BRI3BP: variants seen among roughly 807,000 people sequenced by gnomAD.
BRI3BP encodes BRI3 binding protein, also known as BRI3-binding protein.
A neutral mutation model predicts 15.8 loss-of-function variants in BRI3BP; 7 were observed. That is an observed-to-expected ratio of 0.44 (90% confidence interval 0.25 to 0.83). BRI3BP has a LOEUF of 0.83. BRI3BP is among the 40% of genes least tolerant of loss of function. BRI3BP has a pLI of 0.20. For missense variants in BRI3BP, 320 were observed against 339.3 expected, an observed-to-expected ratio of 0.94 and a Z score of 0.45; for synonymous variants, 192 against 163.5, an observed-to-expected ratio of 1.17 and a Z score of -1.33.
intron 1 of BRI3BP, among the ~76,000 whole-genome samples, chr12:124,994,827 C>T (rs1955027440): frequency 6.6e-6 from 1 of 152,182 alleles, no homozygotes; most frequent in South Asian, 2.1e-4. Flanking sequence ...CTCTTGCTTG[C>T]CGCCAGCCTT....
At chr12:125,022,734 C>G (rs1299824230) in intron 2 of BRI3BP, among the ~76,000 whole-genome samples, 3 of 151,976 alleles carry the variant, frequency 2.0e-5, no homozygotes, top group Non-Finnish European at 4.4e-5. Context: ...ACCATGTTGG[C>G]CAGGCTGGTC....
chr12:125,046,335 C>T, the BRI3BP span, among the ~76,000 whole-genome samples: 1 of 152,190 alleles, frequency 6.6e-6, no homozygotes, highest in Non-Finnish European at 1.5e-5. Flanking sequence ...GGGTGGATCA[C>T]TTGAGGTCAG....
Position 125,025,168 on chromosome 12 carries a change from T to C in BRI3BP, c.494T>C (p.Leu165Pro). The C allele has an allele frequency of 1.9e-6, 3 of 1,614,198 alleles. No individual in the cohort carries two copies. The highest frequency in any genetic ancestry group is 1.3e-5 in the African/African-American group (1 of 75,070). The change falls in exon 3 of 3, where the codon CTG (leucine) becomes CCG (proline). Residue 165 changes from leucine (L) to proline (P), a missense_variant. Transcript: ENST00000341446. ...GRFFWIVRVV[L>P]FSMSCVYILH... ...TTCTTCTGGATCGTGCGGGTCGTCC[T>C]GTTTTCCATGTCCTGCGTGTACATC... is the stretch of plus-strand genomic sequence containing the variant.
At chr12:125,038,255 C>CAAAAAAAAAAA in the BRI3BP span, among the ~76,000 whole-genome samples, 1 of 116,612 alleles carries the variant, frequency 8.6e-6, no homozygotes. Context: ...CCAGCCATCT[C>CAAAAAAAAAAA]AAAAAAAAAA....
intron 2 of BRI3BP, among the ~76,000 whole-genome samples, chr12:125,019,545 A>G (rs1594536271): frequency 6.6e-6 from 1 of 151,814 alleles, no homozygotes; most frequent in Non-Finnish European, 1.5e-5. Flanking sequence ...ACGTACTTTA[A>G]TACTTCCATA....
At chr12:125,036,322 CA>C in the BRI3BP span, among the ~76,000 whole-genome samples, 35 of 151,588 alleles carry the variant, frequency 2.3e-4, no homozygotes, top group Middle Eastern at 6.8e-3. Flanking sequence ...CTTGGCCTCC[CA>C]AAATGCTGGG....
intron 1 of BRI3BP, among the ~76,000 whole-genome samples, chr12:125,009,326 A>G (rs113754346): frequency 0.01 from 1,078 of 105,422 alleles, 18 homozygotes; most frequent in African/African-American, 0.038. Flanking sequence ...GTCTCCCTCT[A>G]TCACCCAGGC....
At chr12:125,003,921 C>G (rs1280285746) in intron 1 of BRI3BP, among the ~76,000 whole-genome samples, 2 of 151,530 alleles carry the variant, frequency 1.3e-5, no homozygotes, top group African/African-American at 2.4e-5. Context: ...CCACTGCACT[C>G]CAGCTTGGGC....
chr12:125,002,548 C>T (rs1421220371), intron 1 of BRI3BP, among the ~76,000 whole-genome samples: 7 of 151,802 alleles, frequency 4.6e-5, no homozygotes, highest in African/African-American at 7.3e-5. Flanking sequence ...CCTCCGCCTC[C>T]GGGGTTCACG....
intron 1 of BRI3BP, among the ~76,000 whole-genome samples, chr12:125,001,272 A>G (rs12425990): frequency 0.06 from 9,165 of 151,990 alleles, 409 homozygotes; most frequent in Admixed American, 0.14. Context: ...TAGCCAGGAT[A>G]GTCTGGATCT....
At chr12:124,997,744 T>A (rs958288988) in intron 1 of BRI3BP, among the ~76,000 whole-genome samples, 3 of 151,994 alleles carry the variant, frequency 2.0e-5, no homozygotes, top group Admixed American at 6.6e-5. Context: ...ATCCCAGCAC[T>A]TAGGGAGGCC....
intron 2 of BRI3BP, among the ~76,000 whole-genome samples, chr12:125,016,524 G>T (rs1399811579): frequency 6.8e-6 from 1 of 147,672 alleles, no homozygotes. Flanking sequence ...GGGGGAGGGG[G>T]TGGGGAGTGG....
chr12:124,994,277 C>T lies in BRI3BP; in HGVS notation c.213+274C>T, dbSNP rs982632661. On this transcript the variant is annotated intron_variant, in intron 1 of 2. Coordinates refer to ENST00000341446, the MANE Select transcript of BRI3BP (RefSeq NM_080626.6). ...CGCGGTCGGCGCAGCCAGAGTCTCT[C>T]CCGGCTGCGCTGACGCCTGCCGCGC... 3.3e-5 allele frequency among the ~76,000 whole-genome samples: 5 copies of T among 152,152 alleles called. No individual in the cohort carries two copies. In the South Asian group the frequency reaches 1.0e-3, roughly 31 times the overall value.
rs1423934596 is a variant in BRI3BP at position 125,030,981 on chromosome 12, A to G, written c.*5551A>G. 6.6e-6 allele frequency: 1 copy of G among 151,756 alleles called. No individual in the cohort carries two copies. Among genetic ancestry groups the G allele is most frequent in the East Asian group, 1.9e-4 (1 of 5,188 alleles). The allele number at this position is 151,756 out of a possible 1,614,324, so 9.4% of individuals were successfully genotyped here. A position where few individuals can be genotyped will look rare whatever the true frequency, so the allele number is the denominator to read the frequency against. Reference sequence around the variant, plus strand: ...GTACATGGTGTGTGTGTGTGTGTGCACTTTAGTTTCGTGAGCCTTGGGAAA... The same window carrying G: ...GTACATGGTGTGTGTGTGTGTGTGCGCTTTAGTTTCGTGAGCCTTGGGAAA... On this transcript the variant is annotated 3_prime_UTR_variant, in exon 3 of 3. Coordinates refer to ENST00000341446, the MANE Select transcript of BRI3BP (RefSeq NM_080626.6).
the BRI3BP span, among the ~76,000 whole-genome samples, chr12:125,038,740 G>A: frequency 6.6e-6 from 1 of 152,024 alleles, no homozygotes; most frequent in Non-Finnish European, 1.5e-5. Flanking sequence ...ACTCCAGCCT[G>A]GGTGACAAGA....
intron 1 of BRI3BP, among the ~76,000 whole-genome samples, chr12:124,997,308 C>T (rs765143165): frequency 1.4e-5 from 2 of 147,276 alleles, no homozygotes; most frequent in Admixed American, 6.9e-5. Context: ...CTCCGCCTCC[C>T]GGATTCACGA....
At chr12:125,022,541 A>ATTTT (rs770844998) in intron 2 of BRI3BP, among the ~76,000 whole-genome samples, 6 of 139,400 alleles carry the variant, frequency 4.3e-5, no homozygotes, top group African/African-American at 1.5e-4. Flanking sequence ...TTATTTATTT[A>ATTTT]TTTTTTGAGA....
At position 125,028,181 on chromosome 12, in the gene BRI3BP, G is replaced by T. The variant is rs1451722146; in HGVS notation, c.*2751G>T. The T allele has an allele frequency of 6.6e-6, 1 of 152,254 alleles. No homozygotes were observed. The highest frequency in any genetic ancestry group is 1.5e-5 in the Non-Finnish European group (1 of 68,052). 9.4% of individuals were successfully genotyped at this position (152,254 alleles called of 1,614,324 possible). On this transcript the variant is annotated 3_prime_UTR_variant, in exon 3 of 3. Coordinates refer to ENST00000341446, the MANE Select transcript of BRI3BP (RefSeq NM_080626.6). ...TAGGTACTAAAACAGCTTTGCTTAT[G>T]TTGGCCAGGGGAAAACATGGCATTC...
intron 1 of BRI3BP, among the ~76,000 whole-genome samples, chr12:125,001,052 T>A (rs1955087061): frequency 6.6e-6 from 1 of 151,854 alleles, no homozygotes; most frequent in Non-Finnish European, 1.5e-5. Flanking sequence ...TATGAATTTT[T>A]TTTTATTTTT....
Sources: gnomAD v4.1 joint callset for allele counts (sites outside exome capture counted in the v4.1 genomes callset) on GRCh38, gnomAD v4.1.1 for gene constraint, MANE v1.5 for transcripts, NCBI Gene and HGNC (gene_info 2026-07-23, HGNC 2026-07-21) for gene names.